The following IPMK variants were observed in gnomAD, a reference collection of about 807,000 sequenced individuals.
IPMK encodes the protein inositol 1,3,4,6-tetrakisphosphate 5-kinase.
A neutral mutation model predicts 45.8 loss-of-function variants in IPMK; 17 were observed. That is an observed-to-expected ratio of 0.37 (90% confidence interval 0.25 to 0.56). IPMK has a LOEUF of 0.56. Among genes scored for constraint, IPMK ranks in the 20% least tolerant of loss-of-function variants. IPMK has a pLI of 0.79. For missense variants in IPMK, 399 were observed against 498.0 expected, an observed-to-expected ratio of 0.80 and a Z score of 1.89; for synonymous variants, 180 against 184.3, an observed-to-expected ratio of 0.98 and a Z score of 0.19.
intron 4 of IPMK, among the ~76,000 whole-genome samples, chr10:58,215,533 C>T (rs947261670): frequency 1.3e-5 from 2 of 151,712 alleles, no homozygotes; most frequent in Admixed American, 6.6e-5. Flanking sequence ...CTCAGCCTCC[C>T]GAGTAGCTCG....
intron 4 of IPMK, among the ~76,000 whole-genome samples, chr10:58,200,578 G>A (rs1415723444): frequency 1.3e-5 from 2 of 152,286 alleles, no homozygotes; most frequent in South Asian, 2.1e-4. Context: ...AAACATATGT[G>A]AGAATTTAGT....
rs1165684041 is a variant in IPMK, at chr10:58,241,114, C to A, written c.191-3300G>T. Reference sequence around the variant, plus strand: ...GACAGGAAATCATATGCAGTCCTAACTTTAGAGGTCTCCTACTGCTGGGGG... The same window carrying A: ...GACAGGAAATCATATGCAGTCCTAAATTTAGAGGTCTCCTACTGCTGGGGG... On this transcript the variant is annotated intron_variant, in intron 1 of 5. Transcript: ENST00000373935. Among the ~76,000 whole-genome samples, 7 of 152,254 alleles carry A rather than the reference C, an allele frequency of 4.6e-5. No individual in the cohort carries two copies. In the East Asian group the frequency reaches 7.7e-4, roughly 17 times the overall value.
intron 5 of IPMK, among the ~76,000 whole-genome samples, chr10:58,198,123 T>C (rs1564526777): frequency 6.6e-6 from 1 of 152,188 alleles, no homozygotes; most frequent in Non-Finnish European, 1.5e-5. Flanking sequence ...TAATTATTTT[T>C]TAATGGTACC....
intron 1 of IPMK, among the ~76,000 whole-genome samples, chr10:58,253,734 CAAA>C (rs1183304261): frequency 6.0e-5 from 3 of 49,872 alleles, no homozygotes; most frequent in African/African-American, 9.6e-5. Context: ...ACTCCATCTC[CAAA>C]AAAAAAAAAA....
intron 1 of IPMK, among the ~76,000 whole-genome samples, chr10:58,258,440 A>T (rs1041385640): frequency 5.3e-5 from 8 of 152,224 alleles, no homozygotes; most frequent in African/African-American, 1.9e-4. Context: ...TTAGTATATA[A>T]ATGGAGCATT....
At chr10:58,240,956 CT>C (rs1405288598) in intron 1 of IPMK, among the ~76,000 whole-genome samples, 1 of 152,156 alleles carries the variant, frequency 6.6e-6, no homozygotes, top group East Asian at 1.9e-4. Context: ...CCCTTTTCCC[CT>C]CTGGATCAAA....
chr10:58,192,884 A>T lies in IPMK; in HGVS notation c.*3192T>A, dbSNP rs1280125011. On this transcript the variant is annotated 3_prime_UTR_variant, in exon 6 of 6. Transcript: ENST00000373935. ...AGAAAGGGTAACTGAGGGTACAAAC[A>T]TATCAAATCAAGACTAAAGGCACTG... The T allele has an allele frequency of 6.6e-6, 1 of 152,080 alleles. No homozygotes were observed. The highest frequency in any genetic ancestry group is 1.5e-5 in the Non-Finnish European group (1 of 67,912). 9.4% of individuals were successfully genotyped at this position (152,080 alleles called of 1,614,324 possible).
rs188621717 is a variant in IPMK at position 58,217,645 on chromosome 10, G to A, written c.374-1328C>T. On this transcript the variant is annotated intron_variant, in intron 3 of 5. Transcript: ENST00000373935. Reference sequence around the variant, plus strand: ...AGAGGTTGTGGTGAGCCGAGATCGCGCCATTGCACTCCAGCCTGGGCAACA... The same window carrying A: ...AGAGGTTGTGGTGAGCCGAGATCGCACCATTGCACTCCAGCCTGGGCAACA... Among the ~76,000 whole-genome samples, 1,221 of 126,584 alleles carry A rather than the reference G, an allele frequency of 9.6e-3. 12 individuals carry two copies. Among genetic ancestry groups the A allele is most frequent in the Non-Finnish European group, 0.015 (947 of 64,834 alleles). 83.0% of individuals were successfully genotyped at this position (126,584 alleles called of 152,430 possible).
intron 5 of IPMK, among the ~76,000 whole-genome samples, chr10:58,197,322 AATAAATAC>A (rs1554822217): frequency 3.6e-5 from 4 of 110,052 alleles, no homozygotes; most frequent in Admixed American, 8.4e-5. Context: ...TAAATAAATA[AATAAATAC>A]ATAAATACAT....
intron 4 of IPMK, among the ~76,000 whole-genome samples, chr10:58,210,868 G>T (rs1282995891): frequency 6.6e-6 from 1 of 152,112 alleles, no homozygotes; most frequent in Non-Finnish European, 1.5e-5. Flanking sequence ...GGTTTTCCTG[G>T]TACTTTCCTG....
At chr10:58,242,352 C>T (rs1449168759) in intron 1 of IPMK, among the ~76,000 whole-genome samples, 1 of 150,156 alleles carries the variant, frequency 6.7e-6, no homozygotes, top group Non-Finnish European at 1.5e-5. Context: ...CTCAGCTACT[C>T]GGGAGGCTGA....
chr10:58,236,242 T>A (rs994607011), intron 2 of IPMK, among the ~76,000 whole-genome samples: 14 of 152,088 alleles, frequency 9.2e-5, no homozygotes, highest in Non-Finnish European at 1.8e-4. Flanking sequence ...ACAAAACTCT[T>A]ATCTGATGCA....
At chr10:58,256,714 G>C (rs184984494) in intron 1 of IPMK, among the ~76,000 whole-genome samples, 3 of 152,098 alleles carry the variant, frequency 2.0e-5, no homozygotes, top group Non-Finnish European at 4.4e-5. Context: ...ACCCCCAGAG[G>C]CCCAGCTGTA....
chr10:58,196,885 A>G (rs1837903459), intron 5 of IPMK, among the ~76,000 whole-genome samples, 187 bp from the exon 6 acceptor site: 1 of 152,174 alleles, frequency 6.6e-6, no homozygotes, highest in South Asian at 2.1e-4. Flanking sequence ...TTTTTGGTGA[A>G]GATGCTCTTA....
At chr10:58,210,408 T>A (rs762011324) in intron 4 of IPMK, among the ~76,000 whole-genome samples, 3 of 152,100 alleles carry the variant, frequency 2.0e-5, no homozygotes, top group Admixed American at 1.3e-4. Flanking sequence ...CTGCCAACAA[T>A]GGTGATGGCT....
rs747464938 is a variant in IPMK at position 58,226,239 on chromosome 10, C to A, written c.373+804G>T. Among the ~76,000 whole-genome samples, 5 of 152,176 alleles carry A rather than the reference C, an allele frequency of 3.3e-5. No individual in the cohort carries two copies. The East Asian group carries it at 9.6e-4, about 29-fold the overall frequency. ...CTGACAAAAGGAATAGGCAGGCTCA[C>A]ACTGGAATCCCCTTCTCTTTCTGTC... On this transcript the variant is annotated intron_variant, in intron 3 of 5. Transcript: ENST00000373935.
intron 1 of IPMK, among the ~76,000 whole-genome samples, chr10:58,252,436 G>GTTTT (rs201330209): frequency 7.7e-6 from 1 of 129,978 alleles, no homozygotes; most frequent in Non-Finnish European, 1.7e-5. Flanking sequence ...GAATTTGACT[G>GTTTT]TTTTTTTTTT....
At position 58,220,133 on chromosome 10, in the gene IPMK, C is replaced by G. The variant is rs149504372; in HGVS notation, c.374-3816G>C. ...ATTTGGAAATGGAATGCAGAGAAAA[C>G]CTGTTGCTGACCTCTGTGGGTGACT... On this transcript the variant is annotated intron_variant, in intron 3 of 5. Transcript: ENST00000373935. Among the ~76,000 whole-genome samples, 967 of 152,232 alleles carry G rather than the reference C, an allele frequency of 6.4e-3. 9 individuals carry two copies. The highest frequency in any genetic ancestry group is 7.9e-3 in the Non-Finnish European group (537 of 68,026).
intron 1 of IPMK, among the ~76,000 whole-genome samples, chr10:58,253,755 AAAAAAGAAAAG>A (rs1203605953): frequency 1.0e-5 from 1 of 97,730 alleles, no homozygotes; most frequent in African/African-American, 6.2e-5. Context: ...AAAAAAGAAA[AAAAAAGAAAAG>A]AAAAAGAAAA....
Sources: allele counts gnomAD v4.1 joint callset (sites outside exome capture counted in the v4.1 genomes callset), GRCh38; gene constraint gnomAD v4.1.1; transcripts MANE v1.5; gene names NCBI Gene and HGNC (gene_info 2026-07-23, HGNC 2026-07-21).